MGAT5: variants seen among roughly 807,000 people sequenced by gnomAD.
MGAT5 encodes alpha-1,6-mannosylglycoprotein 6-beta-N-acetylglucosaminyltransferase A.
In MGAT5, 30 loss-of-function variants were observed where a neutral mutation model predicts 94.3. The observed-to-expected ratio is 0.32, with a 90% CI of 0.24 to 0.43. MGAT5 has a LOEUF of 0.43. MGAT5 is among the 20% of genes least tolerant of loss of function. MGAT5 has a pLI of 1.00. For missense variants in MGAT5, 691 were observed against 905.5 expected, an observed-to-expected ratio of 0.76 and a Z score of 3.04; for synonymous variants, 310 against 322.9, an observed-to-expected ratio of 0.96 and a Z score of 0.43.
intron 4 of MGAT5, among the ~76,000 whole-genome samples, chr2:134,323,945 A>G (rs1413585645): frequency 1.3e-5 from 2 of 152,126 alleles, no homozygotes; most frequent in African/African-American, 4.8e-5. Flanking sequence ...ACAGGGCCCT[A>G]TAAAGTAATT....
intron 8 of MGAT5, among the ~76,000 whole-genome samples, chr2:134,348,025 C>T (rs999063414): frequency 6.6e-6 from 1 of 152,204 alleles, no homozygotes; most frequent in African/African-American, 2.4e-5. Context: ...TTTGCAGTGA[C>T]CTGCAGAGCT....
At chr2:134,266,768 A>G (rs3791272) in intron 1 of MGAT5, among the ~76,000 whole-genome samples, 10,915 of 152,156 alleles carry the variant, frequency 0.072, 494 homozygotes, top group East Asian at 0.15. Flanking sequence ...TTTTATTAAC[A>G]ACATCCTTAA....
At chr2:134,231,217 A>G (rs1355315549) in intron 1 of MGAT5, 1 of 152,192 alleles carries the variant, frequency 6.6e-6, no homozygotes, top group African/African-American at 2.4e-5. Context: ...ACTACCTTGA[A>G]TGTGTCCAAT....
At chr2:134,208,190 T>G (rs1376660102) in intron 1 of MGAT5, among the ~76,000 whole-genome samples, 1 of 152,158 alleles carries the variant, frequency 6.6e-6, no homozygotes, top group Non-Finnish European at 1.5e-5. Flanking sequence ...TTGGACTTAG[T>G]TTCCACCATA....
intron 1 of MGAT5, among the ~76,000 whole-genome samples, chr2:134,149,858 G>GT (rs1386743752): frequency 6.6e-6 from 1 of 152,240 alleles, no homozygotes; most frequent in African/African-American, 2.4e-5. Context: ...CTGGAGTGCA[G>GT]TGAGACCTGG....
chr2:134,383,445 TGAAAG>T (rs1330086404), intron 10 of MGAT5, among the ~76,000 whole-genome samples: 16 of 152,358 alleles, frequency 1.1e-4, no homozygotes, highest in Non-Finnish European at 2.4e-4. Flanking sequence ...AATCAAGCAC[TGAAAG>T]GAGAGTATTA....
At position 134,336,202 on chromosome 2, in the gene MGAT5, A is replaced by G. The variant is rs376168242; in HGVS notation, c.574-15A>G. The G allele has an allele frequency of 6.2e-7, 1 of 1,608,458 alleles. No individual in the cohort carries two copies. Among genetic ancestry groups the G allele is most frequent in the African/African-American group, 1.3e-5 (1 of 74,704 alleles). On this transcript the variant is annotated splice_polypyrimidine_tract_variant and intron_variant, in intron 4 of 15. Coordinates refer to ENST00000281923, the MANE Select transcript of MGAT5 (RefSeq NM_002410.5). ...TAGATGAAGCTGCATATTTAGTGTC[A>G]CTGATGCTTTTTAGGTTGAAAATTG...
rs553861249 is a variant in MGAT5, at chr2:134,159,284, C to T, written c.-143+38993C>T. Among the ~76,000 whole-genome samples the T allele has an allele frequency of 5.9e-5, 9 of 151,602 alleles. 1 individual carries two copies. Among genetic ancestry groups the T allele is most frequent in the Admixed American group, 5.9e-4 (9 of 15,210 alleles). ...GGCCCCAGGATTCATCCATCCCTTC[C>T]CTTCTCGCTTCCCTTCCTCTTTTTT... is the stretch of plus-strand genomic sequence containing the variant. On this transcript the variant is annotated intron_variant, in intron 1 of 16. Transcript: ENST00000409645.
chr2:134,269,420 C>T (rs1195022610), intron 1 of MGAT5, among the ~76,000 whole-genome samples: 1 of 152,200 alleles, frequency 6.6e-6, no homozygotes, highest in African/African-American at 2.4e-5. Flanking sequence ...TCCTGCTACC[C>T]ACACTGTGCA....
At chr2:134,301,854 G>A (rs1023135439) in intron 2 of MGAT5, among the ~76,000 whole-genome samples, 1 of 152,126 alleles carries the variant, frequency 6.6e-6, no homozygotes, top group African/African-American at 2.4e-5. Flanking sequence ...GCTTGATTTT[G>A]CCTCCAGCCT....
chr2:134,349,947 TC>T lies in MGAT5; in HGVS notation c.1246+11del. On this transcript the variant is annotated intron_variant, in intron 9 of 15. Transcript: ENST00000281923. ...GTTTTATACCATGTTCCGTGAGTAT[TC>T]CTGTTTCATGTATGCTTTCCAGAAT... 2 of 1,613,148 alleles carry T rather than the reference TC, an allele frequency of 1.2e-6. No homozygotes were observed. Among genetic ancestry groups the T allele is most frequent in the Non-Finnish European group, 1.7e-6 (2 of 1,179,396 alleles).
At chr2:134,428,468 T>G in intron 14 of MGAT5, 29 bp downstream of exon 14, 1 of 1,597,794 alleles carries the variant, frequency 6.3e-7, no homozygotes, top group East Asian at 2.2e-5. Context: ...CAGTCTGTCT[T>G]TGCTGTGTAC....
At chr2:134,128,000 A>G (rs1685929240) in intron 1 of MGAT5, among the ~76,000 whole-genome samples, 1 of 152,152 alleles carries the variant, frequency 6.6e-6, no homozygotes, top group South Asian at 2.1e-4. Flanking sequence ...CAGGTCAACA[A>G]ATTGGGACTC....
At chr2:134,389,441 A>G (rs1182537655) in intron 10 of MGAT5, among the ~76,000 whole-genome samples, 3 of 151,682 alleles carry the variant, frequency 2.0e-5, no homozygotes, top group Non-Finnish European at 1.5e-5. Context: ...CTCCTTTTTT[A>G]AAGGAAGGCT....
chr2:134,120,414 G>T (rs1685510045), intron 1 of MGAT5: 1 of 338,030 alleles, frequency 3.0e-6, no homozygotes, highest in Admixed American at 4.8e-5. Context: ...AGCCCGCACC[G>T]GGGTCGGCGC....
At chr2:134,189,610 T>TGTTTTG (rs1352982152) in intron 1 of MGAT5, among the ~76,000 whole-genome samples, 1 of 135,580 alleles carries the variant, frequency 7.4e-6, no homozygotes, top group Admixed American at 7.3e-5. Flanking sequence ...TTGTTTTTTT[T>TGTTTTG]TTTTTTTTTT....
intron 2 of MGAT5, among the ~76,000 whole-genome samples, chr2:134,313,554 CAG>C (rs1279662279): frequency 6.6e-6 from 1 of 152,146 alleles, no homozygotes; most frequent in African/African-American, 2.4e-5. Flanking sequence ...GAATCCTAAA[CAG>C]AGCTGAGCTT....
At chr2:134,126,328 T>C (rs80008951) in intron 1 of MGAT5, among the ~76,000 whole-genome samples, 2,797 of 152,352 alleles carry the variant, frequency 0.018, 150 homozygotes, top group East Asian at 0.17. Flanking sequence ...ATTCAGCCCA[T>C]GTGACCACTT....
intron 2 of MGAT5, among the ~76,000 whole-genome samples, chr2:134,285,926 A>G (rs1684973921): frequency 6.6e-6 from 1 of 152,212 alleles, no homozygotes; most frequent in Non-Finnish European, 1.5e-5. Context: ...TTATAAGGAC[A>G]CTGCTTAGCC....
Sources: gnomAD v4.1 joint callset for allele counts (sites outside exome capture counted in the v4.1 genomes callset) on GRCh38, gnomAD v4.1.1 for gene constraint, MANE v1.5 for transcripts, NCBI Gene and HGNC (gene_info 2026-07-23, HGNC 2026-07-21) for gene names.